TRIM44: variants seen among roughly 807,000 people sequenced by gnomAD.
The protein encoded by TRIM44 is tripartite motif-containing protein 44.
In TRIM44, 13 loss-of-function variants were observed where a neutral mutation model predicts 37.4. That is an observed-to-expected ratio of 0.35 (90% CI 0.23 to 0.55). The LOEUF is 0.55. Among genes scored for constraint, TRIM44 ranks in the 20% least tolerant of loss-of-function variants. TRIM44 has a pLI of 0.89. For synonymous variants in TRIM44, 175 were observed against 157.2 expected (o/e 1.11, Z -0.85); for missense variants, 426 against 437.2 (o/e 0.97, Z 0.23).
chr11:35,809,085 G>C lies in TRIM44; in HGVS notation c.*2700G>C, dbSNP rs188626075. 3.3e-5 allele frequency: 5 copies of C among 152,288 alleles called. No homozygotes were observed. Among genetic ancestry groups the C allele is most frequent in the African/African-American group, 1.2e-4 (5 of 41,556 alleles). The allele number at this position is 152,288 out of a possible 1,614,324, so 9.4% of individuals were successfully genotyped here. Reference sequence around the variant, plus strand: ...TGTTGAATTTCTGGATGCTGAGAGGGACTTTGATTTGATATCATTAAATCC... The same window carrying C: ...TGTTGAATTTCTGGATGCTGAGAGGCACTTTGATTTGATATCATTAAATCC... On this transcript the variant is annotated 3_prime_UTR_variant, in exon 5 of 5. Coordinates refer to ENST00000299413, the MANE Select transcript of TRIM44 (RefSeq NM_017583.6).
rs578166392 is a variant in TRIM44, at chr11:35,787,634, TG to T, written c.1008-18723del. ...TAGACACATGGCTGCTAATCAGGGC[TG>T]TAAGTGATTAATCTGGATACTTGCC... On this transcript the variant is annotated intron_variant, in intron 4 of 4. Coordinates refer to ENST00000299413, the MANE Select transcript of TRIM44 (RefSeq NM_017583.6). Among the ~76,000 whole-genome samples, 381 of 152,328 alleles carry T rather than the reference TG, an allele frequency of 2.5e-3. 1 individual carries two copies. The highest frequency in any genetic ancestry group is 4.5e-3 in the Non-Finnish European group (305 of 68,030).
intron 2 of TRIM44, among the ~76,000 whole-genome samples, chr11:35,699,911 C>T (rs1001037371): frequency 2.0e-5 from 3 of 151,990 alleles, no homozygotes; most frequent in African/African-American, 7.3e-5. Flanking sequence ...AGGAGCTCTT[C>T]AAGGAGAACT....
intron 4 of TRIM44, among the ~76,000 whole-genome samples, chr11:35,746,818 A>G (rs1481476807): frequency 6.6e-6 from 1 of 152,188 alleles, no homozygotes; most frequent in Non-Finnish European, 1.5e-5. Context: ...TTTCTTGTCT[A>G]TAAGCAGGGA....
chr11:35,775,166 C>T (rs911688010), intron 4 of TRIM44, among the ~76,000 whole-genome samples: 2 of 152,096 alleles, frequency 1.3e-5, no homozygotes, highest in African/African-American at 4.8e-5. Context: ...TTGTAGTTCT[C>T]CTTGAAGAGG....
intron 2 of TRIM44, among the ~76,000 whole-genome samples, chr11:35,697,744 G>T (rs1011861664): frequency 1.3e-5 from 2 of 151,446 alleles, no homozygotes; most frequent in Admixed American, 1.3e-4. Context: ...GAGAATGATG[G>T]TTTCCAGTTG....
Position 35,806,763 on chromosome 11 carries a change from CA to C in TRIM44, c.*379del. On this transcript the variant is annotated 3_prime_UTR_variant, in exon 5 of 5. Coordinates refer to ENST00000299413, the MANE Select transcript of TRIM44 (RefSeq NM_017583.6). The stretch of plus-strand genomic sequence containing the variant: ...ATCTGGAATAATCTTGAAGGGAAGT[CA>C]GAGTTTTCTCCCTGCCTATTAACAA... The C allele has an allele frequency of 5.3e-6, 1 of 187,124 alleles. No homozygotes were observed. Among genetic ancestry groups the C allele is most frequent in the Non-Finnish European group, 1.1e-5 (1 of 89,710 alleles). The allele number at this position is 187,124 out of a possible 1,614,324, so 11.6% of individuals were successfully genotyped here.
chr11:35,765,682 A>G (rs1248075152), intron 4 of TRIM44, among the ~76,000 whole-genome samples: 1 of 152,206 alleles, frequency 6.6e-6, no homozygotes, highest in East Asian at 1.9e-4. Context: ...TTGGGTATAA[A>G]AGAAGTAAAC....
intron 2 of TRIM44, among the ~76,000 whole-genome samples, chr11:35,691,538 G>A (rs1330036517): frequency 1.3e-5 from 2 of 152,128 alleles, no homozygotes; most frequent in Non-Finnish European, 2.9e-5. Context: ...TACCTTAAAC[G>A]TGTGCAGGAC....
intron 1 of TRIM44, among the ~76,000 whole-genome samples, chr11:35,677,943 C>A (rs936526410): frequency 1.3e-5 from 2 of 152,066 alleles, no homozygotes; most frequent in African/African-American, 4.8e-5. Context: ...AACTAGTGAC[C>A]TGGGTGTAGT....
chr11:35,747,871 T>TG (rs1402017894), intron 4 of TRIM44, among the ~76,000 whole-genome samples: 2 of 139,752 alleles, frequency 1.4e-5, no homozygotes, highest in African/African-American at 5.4e-5. Context: ...GATAATTAAC[T>TG]GGGGGGTACG....
intron 4 of TRIM44, among the ~76,000 whole-genome samples, chr11:35,767,005 C>T (rs1852806555): frequency 6.6e-6 from 1 of 152,200 alleles, no homozygotes; most frequent in Admixed American, 6.5e-5. Flanking sequence ...GATATCTGCT[C>T]ATCCAAGTCA....
At chr11:35,700,787 G>T (rs1375213833) in intron 2 of TRIM44, among the ~76,000 whole-genome samples, 2 of 152,148 alleles carry the variant, frequency 1.3e-5, no homozygotes, top group Admixed American at 1.3e-4. Flanking sequence ...ACAATATAAT[G>T]CTCCAAAGTA....
intron 1 of TRIM44, among the ~76,000 whole-genome samples, chr11:35,675,741 C>T (rs1281476919): frequency 2.0e-5 from 3 of 151,992 alleles, no homozygotes; most frequent in African/African-American, 4.8e-5. Context: ...AGGATGGTCT[C>T]GATCTCCTGA....
At chr11:35,726,253 G>A (rs1350539056) in intron 3 of TRIM44, 90 bp downstream of exon 3, 1 of 1,503,074 alleles carries the variant, frequency 6.7e-7, no homozygotes, top group African/African-American at 1.4e-5. Context: ...CCCTGAACGT[G>A]AATGAATTGA....
chr11:35,745,210 C>CAGA (rs899745685), intron 4 of TRIM44, among the ~76,000 whole-genome samples: 2 of 152,142 alleles, frequency 1.3e-5, no homozygotes, highest in Non-Finnish European at 2.9e-5. Context: ...TGCACCTTGC[C>CAGA]AGAATCTGTT....
intron 4 of TRIM44, among the ~76,000 whole-genome samples, chr11:35,771,514 A>G (rs1852869847): frequency 1.3e-5 from 2 of 152,192 alleles, no homozygotes; most frequent in Admixed American, 1.3e-4. Flanking sequence ...TTATGAGGTC[A>G]GGAGTTGGAG....
intron 2 of TRIM44, among the ~76,000 whole-genome samples, chr11:35,711,720 C>A (rs1347109853): frequency 6.6e-6 from 1 of 152,050 alleles, no homozygotes; most frequent in African/African-American, 2.4e-5. Context: ...TGTACCACTG[C>A]ACTCCAGCCT....
chr11:35,795,669 G>A (rs901172000), intron 4 of TRIM44, among the ~76,000 whole-genome samples: 1 of 152,140 alleles, frequency 6.6e-6, no homozygotes, highest in East Asian at 1.9e-4. Context: ...AGAGTGTACA[G>A]GTGACAACAG....
chr11:35,693,808 C>A (rs1851664585), intron 2 of TRIM44, among the ~76,000 whole-genome samples: 1 of 152,112 alleles, frequency 6.6e-6, no homozygotes, highest in South Asian at 2.1e-4. Context: ...TCTTTCAGCT[C>A]TTGTCATTCC....
Sources: gnomAD v4.1 joint callset for allele counts (sites outside exome capture counted in the v4.1 genomes callset) on GRCh38, gnomAD v4.1.1 for gene constraint, MANE v1.5 for transcripts, NCBI Gene and HGNC (gene_info 2026-07-23, HGNC 2026-07-21) for gene names.